Variants in ANOS1 observed in about 807,000 individuals in gnomAD.
ANOS1 encodes the protein anosmin-1.
Under a neutral mutation model 59.0 loss-of-function variants are expected in ANOS1, and 6 were observed. The ratio of observed to expected loss-of-function variants is 0.10; its 90% CI spans 0.06 to 0.20. The LOEUF is 0.20. ANOS1 is among the 10% of genes least tolerant of loss of function. The pLI is 1.00. For synonymous variants in ANOS1, 217 were observed against 223.4 expected, an observed-to-expected ratio of 0.97 and a Z score of 0.25; for missense variants, 433 against 542.3, an observed-to-expected ratio of 0.80 and a Z score of 2.00.
chrX:8,707,616 A>C, intron 1 of ANOS1, among the ~76,000 whole-genome samples: 1 of 112,185 alleles, frequency 8.9e-6, no homozygotes, highest in East Asian at 2.8e-4. Context: ...TAAACAATAC[A>C]GTGTAACAGC....
At chrX:8,589,549 T>C (rs1022695733) in intron 4 of ANOS1, among the ~76,000 whole-genome samples, 45 of 112,311 alleles carry the variant, frequency 4.0e-4, no homozygotes, top group African/African-American at 1.4e-3. Flanking sequence ...TTTTGATAGA[T>C]ATGCAAATCC....
In ANOS1 at chrX:8,725,553, TATATATATACAGATATAC is replaced by T. The variant is rs1932905450; in HGVS notation, c.207+6259_207+6276del. On this transcript the variant is annotated intron_variant, in intron 1 of 13. Coordinates refer to ENST00000262648, the MANE Select transcript of ANOS1 (RefSeq NM_000216.4). Reference sequence around the variant, plus strand: ...ATATATACAGATATATATATACAGATATATATATACAGATATACATATATACAGATATATATATACAGA... The same window carrying T: ...ATATATACAGATATATATATACAGATATATATACAGATATATATATACAGA... Among the ~76,000 whole-genome samples the T allele has an allele frequency of 3.4e-5, 3 of 88,873 alleles. 1 individual carries two copies. Among genetic ancestry groups the T allele is most frequent in the Non-Finnish European group, 4.3e-5 (2 of 46,082 alleles). The allele number at this position is 88,873 out of a possible 115,157, so 77.2% of individuals were successfully genotyped here. A position where few individuals can be genotyped will look rare whatever the true frequency, so the allele number is the denominator to read the frequency against.
chrX:8,631,097 AT>A (rs751221546), intron 2 of ANOS1, among the ~76,000 whole-genome samples: 4 of 112,318 alleles, frequency 3.6e-5, no homozygotes, highest in African/African-American at 9.7e-5. Flanking sequence ...AGAAACAAGC[AT>A]GGGGAAAGAT....
chrX:8,646,281 G>A (rs1239284664), intron 2 of ANOS1, among the ~76,000 whole-genome samples: 1 of 110,940 alleles, frequency 9.0e-6, no homozygotes, highest in East Asian at 2.8e-4. Flanking sequence ...AGGCTCAAGC[G>A]ATTCTCCCAT....
At chrX:8,602,869 G>T (rs1490176928) in intron 3 of ANOS1, among the ~76,000 whole-genome samples, 1 of 110,852 alleles carries the variant, frequency 9.0e-6, no homozygotes, top group Non-Finnish European at 1.9e-5. Flanking sequence ...CTCCCAAGTA[G>T]CTGGGATTAC....
At chrX:8,685,945 C>T (rs750718368) in intron 2 of ANOS1, among the ~76,000 whole-genome samples, 1 of 111,880 alleles carries the variant, frequency 8.9e-6, no homozygotes, top group Non-Finnish European at 1.9e-5. Context: ...CTCTGGCTCC[C>T]ATGGCCCACA....
At chrX:8,652,887 G>T (rs189933402) in intron 2 of ANOS1, among the ~76,000 whole-genome samples, 6,848 of 110,254 alleles carry the variant, frequency 0.062, 225 homozygotes, top group Non-Finnish European at 0.1. Context: ...ACAGAGTCTT[G>T]CTCTGTCACC....
intron 2 of ANOS1, among the ~76,000 whole-genome samples, chrX:8,636,316 G>A (rs1301260612): frequency 1.8e-5 from 2 of 111,660 alleles, no homozygotes; most frequent in African/African-American, 6.5e-5. Context: ...CTTACAAAAT[G>A]CGGCATACAT....
intron 6 of ANOS1, among the ~76,000 whole-genome samples, chrX:8,582,719 C>G (rs748273166): frequency 9.0e-6 from 1 of 111,104 alleles, no homozygotes; most frequent in Non-Finnish European, 1.9e-5. Context: ...ACCCAGGATC[C>G]GGAAGTGGGG....
chrX:8,581,906 C>A (rs995531023), intron 6 of ANOS1, among the ~76,000 whole-genome samples: 1 of 111,895 alleles, frequency 8.9e-6, no homozygotes, highest in Non-Finnish European at 1.9e-5. Context: ...GATCCTTCAT[C>A]CCTTACTGAG....
At chrX:8,564,849 G>A (rs1930084998) in intron 8 of ANOS1, among the ~76,000 whole-genome samples, 2 of 111,802 alleles carry the variant, frequency 1.8e-5, no homozygotes, top group Admixed American at 1.9e-4. Flanking sequence ...GGAACCGCAT[G>A]GCTTACTGAG....
intron 3 of ANOS1, among the ~76,000 whole-genome samples, chrX:8,598,082 T>A (rs1285693387): frequency 8.9e-6 from 1 of 112,097 alleles, no homozygotes; most frequent in Non-Finnish European, 1.9e-5. Context: ...TGTCTAAGCG[T>A]TCTAATTGAA....
At chrX:8,535,051 G>A (rs898385189) in intron 12 of ANOS1, 12 of 116,944 alleles carry the variant, frequency 1.0e-4, no homozygotes, top group African/African-American at 2.6e-4. Flanking sequence ...ATTTTGTAAC[G>A]GTAGTTGGCT....
intron 8 of ANOS1, among the ~76,000 whole-genome samples, chrX:8,559,208 A>G (rs979196988): frequency 8.9e-6 from 1 of 111,906 alleles, no homozygotes; most frequent in Non-Finnish European, 1.9e-5. Context: ...AGTGGCCACA[A>G]GTTTTCTGAG....
chrX:8,664,282 C>T (rs1307617524), intron 2 of ANOS1, among the ~76,000 whole-genome samples: 4 of 111,725 alleles, frequency 3.6e-5, no homozygotes, highest in East Asian at 5.7e-4. Flanking sequence ...GCTCTGCCTC[C>T]CGGGTTCACG....
chrX:8,687,975 G>A (rs1352751328), intron 2 of ANOS1, among the ~76,000 whole-genome samples: 3 of 111,941 alleles, frequency 2.7e-5, no homozygotes, highest in Non-Finnish European at 5.6e-5. Flanking sequence ...AGTAGACTAC[G>A]CACAAACACA....
At chrX:8,542,784 C>T (rs1929709718) in intron 9 of ANOS1, among the ~76,000 whole-genome samples, 1 of 109,548 alleles carries the variant, frequency 9.1e-6, no homozygotes, top group African/African-American at 3.3e-5. Flanking sequence ...CTCTGCTTCC[C>T]TATTCTACTT....
chrX:8,581,106 G>A (rs1426790264), intron 6 of ANOS1, among the ~76,000 whole-genome samples: 2 of 110,690 alleles, frequency 1.8e-5, no homozygotes, highest in Non-Finnish European at 3.8e-5. Flanking sequence ...CACCTGATAT[G>A]GTTTGGCTGT....
intron 2 of ANOS1, among the ~76,000 whole-genome samples, chrX:8,624,758 G>A (rs772329021): frequency 1.2e-4 from 13 of 110,188 alleles, no homozygotes; most frequent in South Asian, 1.1e-3. Context: ...ATATAATATA[G>A]TTTATTACTA....
Sources: allele counts gnomAD v4.1 joint callset (sites outside exome capture counted in the v4.1 genomes callset), GRCh38; gene constraint gnomAD v4.1.1; transcripts MANE v1.5; gene names NCBI Gene and HGNC (gene_info 2026-07-23, HGNC 2026-07-21).